RIN2: variants seen among roughly 807,000 people sequenced by gnomAD.
The protein encoded by RIN2 is RAB5 interacting protein 2.
RIN2 carries 36 observed loss-of-function variants against 78.0 expected under a neutral mutation model. The observed-to-expected ratio is 0.46, with a 90% confidence interval of 0.35 to 0.61. RIN2 has a LOEUF of 0.61. Ranked by LOEUF, RIN2 falls within the 20% of genes least tolerant of loss-of-function variation. The pLI, the probability that RIN2 is intolerant of heterozygous loss-of-function variation, is 0.00. For synonymous variants in RIN2, 466 were observed against 466.8 expected (o/e 1.00, Z 0.02); for missense variants, 1,087 against 1,159.7 (o/e 0.94, Z 0.91).
intron 2 of RIN2, among the ~76,000 whole-genome samples, chr20:19,826,340 A>G (rs994984287): frequency 5.3e-5 from 8 of 152,162 alleles, no homozygotes; most frequent in African/African-American, 1.9e-4. Flanking sequence ...TTCATGAACT[A>G]TTTCATTCAA....
chr20:19,889,980 C>G (rs951478282), intron 3 of RIN2, among the ~76,000 whole-genome samples: 5 of 152,130 alleles, frequency 3.3e-5, no homozygotes, highest in African/African-American at 1.2e-4. Flanking sequence ...CTGTACTTTG[C>G]TTTCCAGTGA....
intron 9 of RIN2, among the ~76,000 whole-genome samples, chr20:19,983,541 C>CA (rs11480055): frequency 0.39 from 58,664 of 151,402 alleles, 13,690 homozygotes; most frequent in African/African-American, 0.65. Context: ...GACTTCCCTA[C>CA]AAAAAAAAGG....
At chr20:19,868,692 T>G (rs2037585036) in intron 2 of RIN2, among the ~76,000 whole-genome samples, 1 of 152,052 alleles carries the variant, frequency 6.6e-6, no homozygotes, top group Non-Finnish European at 1.5e-5. Context: ...AGAGGGACCT[T>G]GGGGACCCAG....
rs149535014 is a variant in RIN2, at chr20:19,838,385, A to G, written c.-37+38638A>G. On this transcript the variant is annotated intron_variant, in intron 2 of 12. Coordinates refer to ENST00000255006, the MANE Select transcript of RIN2 (RefSeq NM_018993.4). ...AAAATTAAAGTATGATCTACGTACT[A>G]TAAGGTTCATACATATTCAAGGTTC... 1.7e-3 allele frequency among the ~76,000 whole-genome samples: 263 copies of G among 152,340 alleles called. 1 individual carries two copies. Among genetic ancestry groups the G allele is most frequent in the African/African-American group, 6.0e-3 (250 of 41,560 alleles).
intron 2 of RIN2, among the ~76,000 whole-genome samples, chr20:19,807,350 A>C (rs1267299312): frequency 6.6e-6 from 1 of 152,198 alleles, no homozygotes. Flanking sequence ...TTGGGCAAAC[A>C]TGATGTGAAA....
intron 2 of RIN2, among the ~76,000 whole-genome samples, chr20:19,888,643 T>C (rs1696995466): frequency 6.6e-6 from 1 of 152,200 alleles, no homozygotes; most frequent in African/African-American, 2.4e-5. Context: ...CCTGTGCATG[T>C]TATGGCGAGA....
chr20:19,980,456 G>A (rs1408083446), intron 9 of RIN2, among the ~76,000 whole-genome samples: 2 of 152,214 alleles, frequency 1.3e-5, no homozygotes, highest in African/African-American at 4.8e-5. Context: ...CAAGGGGGCT[G>A]TTAGCTCAGT....
intron 1 of RIN2, among the ~76,000 whole-genome samples, chr20:19,796,233 G>T (rs550819681): frequency 1.3e-5 from 2 of 152,254 alleles, no homozygotes; most frequent in East Asian, 3.9e-4. Flanking sequence ...TTTTCAAAAT[G>T]GGCCTCTATA....
intron 1 of RIN2, among the ~76,000 whole-genome samples, chr20:19,770,085 G>T (rs2034054618): frequency 1.3e-5 from 2 of 152,148 alleles, no homozygotes; most frequent in Non-Finnish European, 2.9e-5. Context: ...ATGGAAGATG[G>T]TGTAATGAAG....
At chr20:19,847,819 G>A (rs1036688251) in intron 2 of RIN2, among the ~76,000 whole-genome samples, 2 of 152,010 alleles carry the variant, frequency 1.3e-5, no homozygotes, top group Admixed American at 6.6e-5. Context: ...ACTGTGAGTC[G>A]CATTATATTC....
rs11474749 is a variant in RIN2 at position 19,890,053 on chromosome 20, A to AAAACAAAC, written c.57+419_57+426dup. ...TTTGTATGAATCACTGAAGGGCTCC[A>AAAACAAAC]AAACAAACAAACAAACAAACAAACA... On this transcript the variant is annotated intron_variant, in intron 3 of 12. Transcript: ENST00000255006. 3.7e-3 allele frequency among the ~76,000 whole-genome samples: 555 copies of AAAACAAAC among 151,354 alleles called. 2 individuals are homozygous for AAAACAAAC. Among genetic ancestry groups the AAAACAAAC allele is most frequent in the African/African-American group, 9.9e-3 (407 of 41,104 alleles).
chr20:19,904,793 C>T (rs1483580195), intron 3 of RIN2, among the ~76,000 whole-genome samples: 2 of 152,194 alleles, frequency 1.3e-5, no homozygotes, highest in Non-Finnish European at 2.9e-5. Flanking sequence ...CCGGCATTAG[C>T]ACTGTGTCTC....
At chr20:19,909,171 C>G (rs747578401) in intron 3 of RIN2, among the ~76,000 whole-genome samples, 1 of 152,064 alleles carries the variant, frequency 6.6e-6, no homozygotes, top group African/African-American at 2.4e-5. Context: ...GTCTGCTCTT[C>G]AGTTTTTGTT....
At chr20:19,987,631 C>T (rs1266635577) in intron 9 of RIN2, among the ~76,000 whole-genome samples, 1 of 152,072 alleles carries the variant, frequency 6.6e-6, no homozygotes, top group Non-Finnish European at 1.5e-5. Flanking sequence ...TGGAGGCTGG[C>T]CCATCTGAGC....
rs575189955 is a variant in RIN2, at chr20:19,990,062, G to A, written c.1819G>A (p.Val607Met). 8.8e-6 allele frequency: 14 copies of A among 1,598,880 alleles called. No homozygotes were observed. The highest frequency in any genetic ancestry group is 1.0e-5 in the Non-Finnish European group (12 of 1,172,490). ...CATCTTGAAGCCCCTCAAGGGGCAC[G>A]TGGAGGCCATGCTGAAGGACTTTCA... ...KCILKPLKGHVEAMLKDFHMA... is the reference protein window; with the variant it reads ...KCILKPLKGHMEAMLKDFHMA... The change falls in exon 10 of 13, where the codon GTG becomes ATG. Residue 607 changes from valine to methionine, a missense_variant. Val to Met is a conservative substitution (Grantham distance 21, BLOSUM62 1). This residue lies in a region of RIN2 where 97 missense variants were observed against 104.8 expected (regional missense o/e 0.93). Transcript: ENST00000255006.
At chr20:19,838,949 A>G (rs1348479515) in intron 2 of RIN2, among the ~76,000 whole-genome samples, 1 of 152,078 alleles carries the variant, frequency 6.6e-6, no homozygotes, top group Non-Finnish European at 1.5e-5. Context: ...GTCAGCCTGG[A>G]TGGCCCGGGA....
At chr20:19,879,694 T>C (rs1470203947) in intron 2 of RIN2, among the ~76,000 whole-genome samples, 1 of 152,218 alleles carries the variant, frequency 6.6e-6, no homozygotes, top group African/African-American at 2.4e-5. Flanking sequence ...ACTTTTTTCA[T>C]TGTGTGATCT....
intron 6 of RIN2, 87 bp downstream of exon 6, chr20:19,960,898 G>C: frequency 1.3e-6 from 1 of 775,972 alleles, no homozygotes; most frequent in Non-Finnish European, 2.1e-6. Flanking sequence ...CTGGTTATGA[G>C]ATGGGCAGAT....
chr20:19,794,139 C>T (rs2034976229), intron 1 of RIN2, among the ~76,000 whole-genome samples: 2 of 151,938 alleles, frequency 1.3e-5, no homozygotes, highest in Admixed American at 6.5e-5. Flanking sequence ...AAGAATAATG[C>T]ATCTATAGTC....
Sources: gnomAD v4.1 joint callset for allele counts (sites outside exome capture counted in the v4.1 genomes callset) on GRCh38, gnomAD v4.1.1 for gene constraint, gnomAD v4.1.1 regional missense constraint, MANE v1.5 for transcripts, NCBI Gene and HGNC (gene_info 2026-07-23, HGNC 2026-07-21) for gene names.